The following POR variants were observed in gnomAD, a reference collection of about 807,000 sequenced individuals.
The protein encoded by POR is NADPH--cytochrome P450 reductase.
A neutral mutation model predicts 84.0 loss-of-function variants in POR; 56 were observed. The observed-to-expected ratio is 0.67, with a 90% CI of 0.54 to 0.83. The LOEUF (loss-of-function observed/expected upper bound fraction) is 0.83, where lower values mean the gene tolerates loss of function less well. Among genes scored for constraint, POR ranks in the 40% least tolerant of loss-of-function variants. The pLI is 0.00. For synonymous variants in POR, 414 were observed against 400.5 expected (o/e 1.03, Z -0.40); for missense variants, 938 against 944.3 (o/e 0.99, Z 0.09).
At chr7:75,956,587 C>G (rs1364101925) in intron 2 of POR, among the ~76,000 whole-genome samples, 2 of 151,970 alleles carry the variant, frequency 1.3e-5, no homozygotes, top group Admixed American at 1.3e-4. Flanking sequence ...AGTCTATAAA[C>G]TCACCTAGCA....
intron 4 of POR, among the ~76,000 whole-genome samples, chr7:75,979,998 C>T (rs1361225005): frequency 2.0e-5 from 3 of 152,308 alleles, no homozygotes; most frequent in South Asian, 2.1e-4. Context: ...CGGGGCTGTG[C>T]GGTGCCTGGG....
At position 75,925,652 on chromosome 7, in the gene POR, G is replaced by A. The variant is rs183376729; in HGVS notation, c.-5+10473G>A. Among the ~76,000 whole-genome samples, 123 of 152,310 alleles carry A rather than the reference G, an allele frequency of 8.1e-4. 1 individual carries two copies. The Middle Eastern group carries it at 0.054, about 67-fold the overall frequency. On this transcript the variant is annotated intron_variant, in intron 1 of 15. Transcript: ENST00000461988. ...ACCACGTATGTGCCAAGCTCTCTTC[G>A]AGGTGCTGGGACTACTTTTGTGTGT... is the stretch of plus-strand genomic sequence containing the variant.
intron 1 of POR, among the ~76,000 whole-genome samples, chr7:75,953,628 C>T (rs1787550267): frequency 6.6e-6 from 1 of 152,146 alleles, no homozygotes; most frequent in Non-Finnish European, 1.5e-5. Flanking sequence ...CACTTCCTCC[C>T]GCCTGCCCCC....
intron 2 of POR, among the ~76,000 whole-genome samples, chr7:75,970,228 T>C (rs1788368899): frequency 1.3e-5 from 2 of 152,074 alleles, no homozygotes; most frequent in African/African-American, 4.8e-5. Flanking sequence ...CTAATTATCC[T>C]TATTGTTGGA....
rs1314816016 is a variant in POR at position 75,986,239 on chromosome 7, T to G, written c.1896T>G (p.Cys632Trp). Residue 632 changes from cysteine to tryptophan, a missense_variant and splice_region_variant, in exon 15 of 16, where the codon TGT becomes TGG. Physicochemically the swap from Cys to Trp is radical, Grantham distance 215 (BLOSUM62 -2). Transcript: ENST00000461988. The stretch of plus-strand genomic sequence containing the variant: ...AAGGCGGTGCCCACATCTACGTCTG[T>G]GGGTGAGTGAGTGGGGTCACTGGAA... The G allele has an allele frequency of 1.9e-6, 3 of 1,612,438 alleles. No individual in the cohort carries two copies. Among genetic ancestry groups the G allele is most frequent in the Non-Finnish European group, 2.5e-6 (3 of 1,179,792 alleles).
At chr7:75,952,263 C>T (rs868983530) in intron 1 of POR, among the ~76,000 whole-genome samples, 4 of 126,554 alleles carry the variant, frequency 3.2e-5, no homozygotes, top group South Asian at 2.6e-4. Context: ...CCCTCCCGGA[C>T]GGGGCGGCTG....
rs1554559506 is a variant in POR, at chr7:75,986,444, T to G, written c.2006T>G (p.Met669Arg). ...GCGGTGGACTACATCAAGAAACTGA[T>G]GACCAAGGGCCGCTACTCCCTGGAC... is the stretch of plus-strand genomic sequence containing the variant. Residue 669 changes from methionine to arginine, a missense_variant, in exon 16 of 16, where the codon ATG becomes AGG. Coordinates refer to ENST00000461988, the MANE Select transcript of POR (RefSeq NM_000941.3). 1.2e-6 allele frequency: 2 copies of G among 1,612,116 alleles called. 1 individual carries two copies. The highest frequency in any genetic ancestry group is 3.3e-5 in the Admixed American group (2 of 60,010).
At chr7:75,985,486 G>A in intron 12 of POR, 93 bp from the exon 13 acceptor site, 1 of 1,400,244 alleles carries the variant, frequency 7.1e-7, no homozygotes, top group Non-Finnish European at 9.4e-7. Context: ...AGAGGCCCTG[G>A]GTGAGTGGGG....
intron 1 of POR, among the ~76,000 whole-genome samples, chr7:75,945,870 C>T (rs1787149951): frequency 6.6e-6 from 1 of 152,158 alleles, no homozygotes; most frequent in Admixed American, 6.6e-5. Context: ...AAGTTGCAAA[C>T]AGTAAATGCA....
chr7:75,917,382 TC>T (rs1483337222), intron 1 of POR, among the ~76,000 whole-genome samples: 16,634 of 140,236 alleles, frequency 0.12, 3,988 homozygotes, highest in African/African-American at 0.45. Flanking sequence ...TATTTCTTCT[TC>T]TTTTTTTTTT....
intron 2 of POR, among the ~76,000 whole-genome samples, chr7:75,965,945 C>T (rs1006060835): frequency 3.9e-5 from 6 of 152,040 alleles, no homozygotes; most frequent in African/African-American, 9.7e-5. Context: ...AGGGTAAAGC[C>T]GGGGGAGGTG....
intron 1 of POR, among the ~76,000 whole-genome samples, chr7:75,916,470 GT>G (rs1554548078): frequency 6.8e-6 from 1 of 147,422 alleles, no homozygotes; most frequent in African/African-American, 2.4e-5. Flanking sequence ...ACCCAGAAAG[GT>G]CCACTTCCTT....
chr7:75,980,945 A>G, intron 5 of POR, 103 bp from the exon 6 acceptor site: 1 of 1,363,912 alleles, frequency 7.3e-7, no homozygotes, highest in South Asian at 1.5e-5. Context: ...AGGTGTTGCC[A>G]GCAGCTCAGC....
At chr7:75,953,805 C>G (rs1554553271) in intron 1 of POR, among the ~76,000 whole-genome samples, 184 bp from the exon 2 acceptor site, 1 of 152,160 alleles carries the variant, frequency 6.6e-6, no homozygotes, top group East Asian at 1.9e-4. Flanking sequence ...TTATGTCAGC[C>G]CCAGTCCAAG....
chr7:75,952,466 C>T lies in POR; in HGVS notation c.-4-1523C>T, dbSNP rs565300149. Among the ~76,000 whole-genome samples the T allele has an allele frequency of 9.7e-3, 1,451 of 149,320 alleles. 26 individuals are homozygous for T. The highest frequency in any genetic ancestry group is 0.06 in the South Asian group (276 of 4,632). ...GAGCGGCTGGCCGGGCGGGGGCTGA[C>T]CCCCACCTCCCTCCCGGACGGGGTG... On this transcript the variant is annotated intron_variant, in intron 1 of 15. Coordinates refer to ENST00000461988, the MANE Select transcript of POR (RefSeq NM_000941.3).
At chr7:75,980,760 G>A (rs1788971398) in intron 5 of POR, 1 of 1,437,036 alleles carries the variant, frequency 7.0e-7, no homozygotes, top group Non-Finnish European at 9.2e-7. Flanking sequence ...GACCTGCCTG[G>A]CCTCGGAGAG....
At chr7:75,938,160 A>G (rs1350768352) in intron 1 of POR, among the ~76,000 whole-genome samples, 1 of 152,162 alleles carries the variant, frequency 6.6e-6, no homozygotes, top group Admixed American at 6.5e-5. Context: ...ACGTCATTGC[A>G]TCGGGCACAT....
intron 3 of POR, among the ~76,000 whole-genome samples, chr7:75,977,491 G>C (rs1208611463): frequency 6.6e-6 from 1 of 152,130 alleles, no homozygotes; most frequent in African/African-American, 2.4e-5. Flanking sequence ...AAATACCTCA[G>C]GTGGCTGGGT....
At chr7:75,986,263 A>G (rs782729422) in intron 15 of POR, 22 bp downstream of exon 15, 1 of 1,612,604 alleles carries the variant, frequency 6.2e-7, no homozygotes, top group Non-Finnish European at 8.5e-7. Context: ...GGGTCACTGG[A>G]ATAGGGGGCA....
Sources: gnomAD v4.1 joint callset for allele counts (sites outside exome capture counted in the v4.1 genomes callset) on GRCh38, gnomAD v4.1.1 for gene constraint, MANE v1.5 for transcripts, NCBI Gene and HGNC (gene_info 2026-07-23, HGNC 2026-07-21) for gene names.